SLC13A1: variants seen among roughly 807,000 people sequenced by gnomAD.
SLC13A1 encodes Na(+)/sulfate cotransporter.
Under a neutral mutation model 70.0 loss-of-function variants are expected in SLC13A1, and 65 were observed. That is an observed-to-expected ratio of 0.93 (90% CI 0.76 to 1.14). The LOEUF (loss-of-function observed/expected upper bound fraction) is 1.14, where lower values mean the gene tolerates loss of function less well. SLC13A1 is among the 50% of genes most tolerant of loss of function. The probability of loss-of-function intolerance (pLI) is 0.00; values close to 1 mark genes in which losing one functional copy is unlikely to be tolerated. For missense variants in SLC13A1, 726 were observed against 717.8 expected (o/e 1.01, Z -0.13); for synonymous variants, 275 against 250.5 (o/e 1.10, Z -0.92).
intron 2 of SLC13A1, among the ~76,000 whole-genome samples, chr7:123,174,512 T>A (rs1250815814): frequency 1.3e-5 from 2 of 152,112 alleles, no homozygotes; most frequent in Non-Finnish European, 2.9e-5. Flanking sequence ...TTAAAATTTG[T>A]CCCTTTTTCT....
At chr7:123,171,706 TTGCTCTGCACAAAA>T (rs1392194937) in intron 3 of SLC13A1, 48 bp downstream of exon 3, 1 of 1,531,764 alleles carries the variant, frequency 6.5e-7, no homozygotes, top group Non-Finnish European at 9.0e-7. Flanking sequence ...ATTTGATTAT[TTGCTCTGCACAAAA>T]ATGGTCTGTT....
intron 7 of SLC13A1, among the ~76,000 whole-genome samples, chr7:123,142,650 T>TTTTTTC (rs1794195893): frequency 3.5e-5 from 1 of 28,912 alleles, no homozygotes; most frequent in Admixed American, 2.6e-4. Flanking sequence ...TTTTTTTTTT[T>TTTTTTC]TTTTTGATGG....
chr7:123,124,130 C>T (rs576147338), intron 11 of SLC13A1, among the ~76,000 whole-genome samples: 15 of 152,038 alleles, frequency 9.9e-5, no homozygotes, highest in Middle Eastern at 6.8e-3. Context: ...CATTTTTAAG[C>T]CTTGTATGAA....
chr7:123,129,603 A>T (rs1352356705), intron 8 of SLC13A1, 122 bp from the exon 9 acceptor site: 9 of 686,662 alleles, frequency 1.3e-5, no homozygotes, highest in Non-Finnish European at 2.1e-5. Context: ...ATGCAATATG[A>T]ATCTCCCCGT....
At chr7:123,177,940 C>T (rs1469228436) in intron 2 of SLC13A1, among the ~76,000 whole-genome samples, 2 of 151,946 alleles carry the variant, frequency 1.3e-5, no homozygotes, top group Non-Finnish European at 2.9e-5. Context: ...GTTCCTAAAT[C>T]CCTGGCAGGG....
At chr7:123,136,771 G>A (rs1793961624) in intron 7 of SLC13A1, among the ~76,000 whole-genome samples, 1 of 152,126 alleles carries the variant, frequency 6.6e-6, no homozygotes, top group Non-Finnish European at 1.5e-5. Flanking sequence ...GTAATAAAAA[G>A]TGATTGGGGA....
intron 6 of SLC13A1, among the ~76,000 whole-genome samples, chr7:123,166,931 G>A (rs1256311556): frequency 6.6e-6 from 1 of 152,110 alleles, no homozygotes; most frequent in Admixed American, 6.6e-5. Flanking sequence ...CATCCAAAAG[G>A]CACATGAAAA....
At chr7:123,149,909 CT>C (rs1022256886) in intron 6 of SLC13A1, among the ~76,000 whole-genome samples, 8 of 152,058 alleles carry the variant, frequency 5.3e-5, no homozygotes, top group African/African-American at 1.7e-4. Flanking sequence ...AATAAATTTT[CT>C]TAAAAAAACT....
chr7:123,140,492 T>A (rs1794098656), intron 7 of SLC13A1, among the ~76,000 whole-genome samples: 1 of 152,048 alleles, frequency 6.6e-6, no homozygotes, highest in Non-Finnish European at 1.5e-5. Context: ...ATAGTTTGAG[T>A]AGGATTGATA....
chr7:123,132,295 A>C (rs1427668761), intron 8 of SLC13A1, among the ~76,000 whole-genome samples: 1 of 152,214 alleles, frequency 6.6e-6, no homozygotes. Context: ...AGAGGGGAGA[A>C]TGTCAGTCCT....
At chr7:123,129,152 C>A (rs887490558) in intron 9 of SLC13A1, among the ~76,000 whole-genome samples, 5 of 152,010 alleles carry the variant, frequency 3.3e-5, no homozygotes, top group African/African-American at 9.7e-5. Context: ...TTTTACCTGG[C>A]AAATTTTAGT....
intron 6 of SLC13A1, among the ~76,000 whole-genome samples, chr7:123,159,236 T>A (rs958299691): frequency 6.6e-6 from 1 of 152,182 alleles, no homozygotes; most frequent in African/African-American, 2.4e-5. Context: ...CTGAATTATG[T>A]CTCTCAATAT....
chr7:123,154,234 A>G (rs1429157298), intron 6 of SLC13A1, among the ~76,000 whole-genome samples: 1 of 152,132 alleles, frequency 6.6e-6, no homozygotes, highest in Non-Finnish European at 1.5e-5. Flanking sequence ...TTTGAGTTCC[A>G]TTTCATACTG....
At chr7:123,119,625 C>T (rs937100525) in intron 12 of SLC13A1, among the ~76,000 whole-genome samples, 1 of 151,924 alleles carries the variant, frequency 6.6e-6, no homozygotes, top group African/African-American at 2.4e-5. Flanking sequence ...ACTTTCAACC[C>T]TTATTAGCCA....
In SLC13A1 at chr7:123,156,615, C is replaced by A. The variant is rs181668826; in HGVS notation, c.661-9305G>T. 2.0e-3 allele frequency among the ~76,000 whole-genome samples: 302 copies of A among 152,186 alleles called. 1 individual carries two copies. The highest frequency in any genetic ancestry group is 6.8e-3 in the African/African-American group (282 of 41,532). Reference sequence around the variant, plus strand: ...GATTATGTTATTTAATTAAACCAGCCTTCCTACAGTGTTCTAATGGTTTAA... The same window carrying A: ...GATTATGTTATTTAATTAAACCAGCATTCCTACAGTGTTCTAATGGTTTAA... On this transcript the variant is annotated intron_variant, in intron 6 of 14. Transcript: ENST00000194130.
At chr7:123,159,262 C>T (rs1171713741) in intron 6 of SLC13A1, among the ~76,000 whole-genome samples, 1 of 152,118 alleles carries the variant, frequency 6.6e-6, no homozygotes, top group Non-Finnish European at 1.5e-5. Context: ...TGTTGAAGCT[C>T]TAACACTCAA....
intron 6 of SLC13A1, among the ~76,000 whole-genome samples, chr7:123,151,565 A>G (rs1794556618): frequency 6.6e-6 from 1 of 152,084 alleles, no homozygotes; most frequent in Non-Finnish European, 1.5e-5. Flanking sequence ...GCATGTAATA[A>G]GCACTGTCCA....
In SLC13A1 at chr7:123,129,392, C is replaced by T. The variant is rs147573752; in HGVS notation, c.1022G>A (p.Gly341Glu). The part of the protein sequence containing the change: ...EVIKQEYQKL[G>E]PIRYQEIVTL... ...TGTGTGTTTGTCTTACCTTATTGGC[C>T]CAAGCTTTTGGTATTCTTGCTTAAT... The change falls in exon 9 of 15, where the codon GGG becomes GAG. Residue 341 changes from glycine to glutamate, a missense_variant. By Grantham distance (98) the Gly-to-Glu change is moderately conservative. Coordinates refer to ENST00000194130, the MANE Select transcript of SLC13A1 (RefSeq NM_022444.4). 8 of 1,574,340 alleles carry T rather than the reference C, an allele frequency of 5.1e-6. No individual in the cohort carries two copies. In the East Asian group the frequency reaches 1.6e-4, roughly 31 times the overall value.
At chr7:123,141,429 G>T (rs1794138148) in intron 7 of SLC13A1, among the ~76,000 whole-genome samples, 1 of 152,026 alleles carries the variant, frequency 6.6e-6, no homozygotes, top group African/African-American at 2.4e-5. Context: ...AGATCCATTT[G>T]GCCTGTAGTA....
Sources: gnomAD v4.1 joint callset for allele counts (sites outside exome capture counted in the v4.1 genomes callset) on GRCh38, gnomAD v4.1.1 for gene constraint, MANE v1.5 for transcripts, NCBI Gene and HGNC (gene_info 2026-07-23, HGNC 2026-07-21) for gene names.